Variants in PCNX2 observed in about 807,000 individuals in gnomAD.
PCNX2 encodes pecanex-like protein 2.
PCNX2 carries 168 observed loss-of-function variants against 223.8 expected under a neutral mutation model. The observed-to-expected ratio is 0.75, with a 90% CI of 0.66 to 0.85. The LOEUF (loss-of-function observed/expected upper bound fraction) is 0.85, where lower values mean the gene tolerates loss of function less well. Ranked by LOEUF, PCNX2 falls within the 40% of genes least tolerant of loss-of-function variation. The pLI is 0.00. For synonymous variants in PCNX2, 1,006 were observed against 1,052.6 expected (o/e 0.96, Z 0.86); for missense variants, 2,507 against 2,675.5 (o/e 0.94, Z 1.39).
intron 17 of PCNX2, chr1:233,167,588 T>C (rs1235495342): frequency 5.2e-6 from 2 of 383,686 alleles, no homozygotes; most frequent in African/African-American, 4.4e-5. Context: ...TAAAAATGGG[T>C]AACTATGCGA....
the PCNX2 span, among the ~76,000 whole-genome samples, chr1:233,308,049 C>T: frequency 1.3e-5 from 2 of 152,076 alleles, no homozygotes; most frequent in Non-Finnish European, 2.9e-5. Flanking sequence ...AGAATTGAGT[C>T]CATATAGTAT....
At chr1:233,312,295 C>T in the PCNX2 span, among the ~76,000 whole-genome samples, 1 of 152,002 alleles carries the variant, frequency 6.6e-6, no homozygotes, top group Non-Finnish European at 1.5e-5. Context: ...ATATAAACAT[C>T]GTAAGAGAAT....
chr1:233,316,398 CT>C, the PCNX2 span, among the ~76,000 whole-genome samples: 62,949 of 151,880 alleles, frequency 0.41, 13,343 homozygotes, highest in Middle Eastern at 0.48. Context: ...TTTAACTGCA[CT>C]TTTTTTTCAC....
rs1477587014 is a variant in PCNX2, at chr1:232,986,181, C to T, written c.6151G>A (p.Glu2051Lys). 2 of 1,562,514 alleles carry T rather than the reference C, an allele frequency of 1.3e-6. No homozygotes were observed. The highest frequency in any genetic ancestry group is 1.7e-6 in the Non-Finnish European group (2 of 1,152,676). Residue 2051 changes from glutamate (E) to lysine (K), a missense_variant, in exon 33 of 34, where the codon GAG becomes AAG. Glu to Lys is a moderately conservative substitution (Grantham distance 56). Transcript: ENST00000258229. ...TGGGTGTCACTGGTATTGCCCCCCT[C>T]CGCAGCAGAGAGTCCGGAAATGACG... The part of the protein sequence containing the change: ...ALVISGLSAA[E>K]GGNTSDTQSS...
At chr1:233,254,602 A>T (rs1659626231) in intron 5 of PCNX2, among the ~76,000 whole-genome samples, 1 of 152,202 alleles carries the variant, frequency 6.6e-6, no homozygotes, top group Admixed American at 6.5e-5. Context: ...ACTATACAAA[A>T]GAAAAAACTT....
intron 2 of PCNX2, 73 bp downstream of exon 2, chr1:233,262,885 C>A: frequency 7.0e-7 from 1 of 1,425,858 alleles, no homozygotes; most frequent in Non-Finnish European, 9.8e-7. Context: ...TTCATAAACA[C>A]TGATAAAAAA....
intron 17 of PCNX2, among the ~76,000 whole-genome samples, chr1:233,164,177 C>T (rs565010075): frequency 9.2e-5 from 14 of 152,022 alleles, no homozygotes; most frequent in Admixed American, 2.0e-4. Flanking sequence ...GACATACAAA[C>T]GGCCAAAAAA....
rs542364067 is a variant in PCNX2 at position 233,024,188 on chromosome 1, T to C, written c.4605+958A>G. On this transcript the variant is annotated intron_variant, in intron 26 of 33. Transcript: ENST00000258229. ...CCTTGGCCTCCCAAAGCTCTGGGAT[T>C]ATAGGCGTGAACCACCATGTCTGGA... 1.9e-3 allele frequency among the ~76,000 whole-genome samples: 286 copies of C among 152,354 alleles called. 1 individual carries two copies. Among genetic ancestry groups the C allele is most frequent in the Non-Finnish European group, 3.4e-3 (230 of 68,030 alleles).
At chr1:233,264,754 T>C (rs1660241414) in intron 1 of PCNX2, among the ~76,000 whole-genome samples, 1 of 152,166 alleles carries the variant, frequency 6.6e-6, no homozygotes, top group Non-Finnish European at 1.5e-5. Context: ...TTTGTAAATA[T>C]AAACCTTATA....
rs140799199 is a variant in PCNX2, at chr1:233,240,081, T to G, written c.2223-3101A>C. Among the ~76,000 whole-genome samples, 535 of 152,306 alleles carry G rather than the reference T, an allele frequency of 3.5e-3. 2 individuals are homozygous for G. The highest frequency in any genetic ancestry group is 0.013 in the African/African-American group (522 of 41,562). ...TTGTCATGTGTATATGGGCTCTCCATTTGGCCAGGAGGAAATGGTTACATG... is the reference window on the plus strand; with the variant it reads ...TTGTCATGTGTATATGGGCTCTCCAGTTGGCCAGGAGGAAATGGTTACATG... On this transcript the variant is annotated intron_variant, in intron 8 of 33. Coordinates refer to ENST00000258229, the MANE Select transcript of PCNX2 (RefSeq NM_014801.4).
At chr1:233,088,503 T>G (rs1267660550) in intron 23 of PCNX2, among the ~76,000 whole-genome samples, 2 of 151,700 alleles carry the variant, frequency 1.3e-5, no homozygotes, top group Non-Finnish European at 2.9e-5. Flanking sequence ...ACTGTGGTAG[T>G]TTTTTTTTAC....
chr1:233,154,412 A>G (rs1677992767), intron 19 of PCNX2, among the ~76,000 whole-genome samples: 1 of 152,178 alleles, frequency 6.6e-6, no homozygotes, highest in Non-Finnish European at 1.5e-5. Flanking sequence ...ATCCTTTTAA[A>G]TGTATTCTAA....
chr1:233,025,487 G>A, intron 25 of PCNX2, 88 bp from the exon 26 acceptor site: 4 of 1,521,104 alleles, frequency 2.6e-6, no homozygotes, highest in Non-Finnish European at 3.6e-6. Flanking sequence ...TTCATCAGAG[G>A]GGAAGAGGCT....
chr1:233,031,972 G>T lies in PCNX2; in HGVS notation c.4352-6573C>A, dbSNP rs1671283954. On this transcript the variant is annotated intron_variant, in intron 25 of 33. Coordinates refer to ENST00000258229, the MANE Select transcript of PCNX2 (RefSeq NM_014801.4). ...TGGGACCCTTGGATTGCAAACCCTAGGCTCCAGTGGGGGTGGGGTCTCAGC... is the reference window on the plus strand; with the variant it reads ...TGGGACCCTTGGATTGCAAACCCTATGCTCCAGTGGGGGTGGGGTCTCAGC... 3 of 985,026 alleles carry T rather than the reference G, an allele frequency of 3.0e-6. No homozygotes were observed. The African/African-American group carries it at 5.2e-5, about 17-fold the overall frequency. The allele number at this position is 985,026 out of a possible 1,614,324, so 61.0% of individuals were successfully genotyped here.
At chr1:233,157,359 G>A (rs2102814681) in intron 19 of PCNX2, among the ~76,000 whole-genome samples, 1 of 152,268 alleles carries the variant, frequency 6.6e-6, no homozygotes, top group Non-Finnish European at 1.5e-5. Flanking sequence ...TATGTAAAAT[G>A]GTGGGATAGG....
At position 233,053,473 on chromosome 1, in the gene PCNX2, A is replaced by C. The variant is rs1291525548; in HGVS notation, c.4351+795T>G. Among the ~76,000 whole-genome samples the C allele has an allele frequency of 3.9e-5, 6 of 152,272 alleles. No homozygotes were observed. The East Asian group carries it at 1.2e-3, about 29-fold the overall frequency. On this transcript the variant is annotated intron_variant, in intron 25 of 33. Transcript: ENST00000258229. ...ATAGCACCTGCTCCAAGCTATAATA[A>C]GTTTGTCTGTTTACTTGTTTACTTT...
chr1:233,237,206 G>A (rs1658476700), intron 8 of PCNX2, among the ~76,000 whole-genome samples: 1 of 152,182 alleles, frequency 6.6e-6, no homozygotes, highest in Admixed American at 6.5e-5. Context: ...ACCCAGGGTT[G>A]CAGTGTGTCA....
At position 233,236,944 on chromosome 1, in the gene PCNX2, A is replaced by G. The variant is rs1189842424; in HGVS notation, c.2259T>C (p.Ser753=). ...MQVSSSSTTT[S]ESQDPSSGDP... ...CCCCAGAAGACGGATCTTGACTCTC[A>G]GAAGTTGTGGTACTGGAGGAGCTGA... The change falls in exon 9 of 34, where the codon TCT becomes TCC. Residue 753 remains serine (S), a synonymous_variant. Coordinates refer to ENST00000258229, the MANE Select transcript of PCNX2 (RefSeq NM_014801.4). 6.2e-7 allele frequency: 1 copy of G among 1,613,998 alleles called. No homozygotes were observed. The highest frequency in any genetic ancestry group is 1.1e-5 in the South Asian group (1 of 91,076).
At chr1:233,245,193 C>T (rs765777385) in intron 8 of PCNX2, among the ~76,000 whole-genome samples, 1 of 152,212 alleles carries the variant, frequency 6.6e-6, no homozygotes, top group Non-Finnish European at 1.5e-5. Flanking sequence ...TGAGCACCTA[C>T]CTATAAAGGG....
Sources: allele counts gnomAD v4.1 joint callset (sites outside exome capture counted in the v4.1 genomes callset), GRCh38; gene constraint gnomAD v4.1.1; transcripts MANE v1.5; gene names NCBI Gene and HGNC (gene_info 2026-07-23, HGNC 2026-07-21).